The following C8orf34 variants were observed in gnomAD, a reference collection of about 807,000 sequenced individuals.
C8orf34 encodes the protein uncharacterized protein C8orf34.
C8orf34 carries 65 observed loss-of-function variants against 68.3 expected under a neutral mutation model. The ratio of observed to expected loss-of-function variants is 0.95; its 90% confidence interval spans 0.78 to 1.17. The LOEUF is 1.17. Ranked by LOEUF, C8orf34 falls within the 50% of genes most tolerant of loss-of-function variation. The pLI is 0.00. For missense variants in C8orf34, 664 were observed against 655.4 expected (o/e 1.01, Z -0.14); for synonymous variants, 244 against 241.2 (o/e 1.01, Z -0.11).
At chr8:68,764,000 C>T (rs1461869907) in intron 10 of C8orf34, among the ~76,000 whole-genome samples, 3 of 152,190 alleles carry the variant, frequency 2.0e-5, no homozygotes, top group African/African-American at 7.2e-5. Flanking sequence ...CCCAAGCCTG[C>T]TCTCTGGACC....
At chr8:68,503,661 G>GGA (rs765988288) in intron 5 of C8orf34, among the ~76,000 whole-genome samples, 2 of 151,752 alleles carry the variant, frequency 1.3e-5, no homozygotes, top group East Asian at 3.9e-4. Context: ...ACGGTCCAAT[G>GGA]GAGTAGTTAT....
At chr8:68,367,621 T>C (rs1807334528) in intron 1 of C8orf34, among the ~76,000 whole-genome samples, 1 of 131,472 alleles carries the variant, frequency 7.6e-6, no homozygotes, top group African/African-American at 2.9e-5. Flanking sequence ...AAATTGGAAA[T>C]CATCATTCTC....
chr8:68,801,783 A>C (rs984521795), intron 12 of C8orf34, among the ~76,000 whole-genome samples: 2 of 152,146 alleles, frequency 1.3e-5, no homozygotes, highest in African/African-American at 2.4e-5. Flanking sequence ...CTTTAATTTG[A>C]AGGGGATATG....
intron 10 of C8orf34, among the ~76,000 whole-genome samples, chr8:68,763,802 T>A (rs536043566): frequency 6.6e-6 from 1 of 152,378 alleles, no homozygotes; most frequent in Non-Finnish European, 1.5e-5. Flanking sequence ...TACCAAGCCC[T>A]GCACTAAGTG....
intron 1 of C8orf34, chr8:68,437,858 C>G (rs576299333): frequency 2.6e-5 from 4 of 152,170 alleles, no homozygotes; most frequent in Non-Finnish European, 5.9e-5. Context: ...ATATTTAATC[C>G]ATGACTCTAT....
At chr8:68,689,191 A>G (rs1820614459) in intron 8 of C8orf34, among the ~76,000 whole-genome samples, 1 of 152,036 alleles carries the variant, frequency 6.6e-6, no homozygotes, top group Non-Finnish European at 1.5e-5. Context: ...GAGTTAAGCT[A>G]TGAGGATTCA....
At chr8:68,482,440 T>C (rs996728810) in intron 4 of C8orf34, among the ~76,000 whole-genome samples, 2 of 152,134 alleles carry the variant, frequency 1.3e-5, no homozygotes, top group African/African-American at 4.8e-5. Flanking sequence ...TTTTTAAAAT[T>C]TATTTTAAAA....
chr8:68,636,451 G>T (rs1223514763), intron 7 of C8orf34, among the ~76,000 whole-genome samples: 1 of 151,964 alleles, frequency 6.6e-6, no homozygotes, highest in African/African-American at 2.4e-5. Flanking sequence ...CAGGTGTCGT[G>T]GTATGTGCTT....
intron 7 of C8orf34, among the ~76,000 whole-genome samples, chr8:68,537,951 A>C (rs1311787061): frequency 6.6e-6 from 1 of 152,142 alleles, no homozygotes; most frequent in Non-Finnish European, 1.5e-5. Flanking sequence ...TTCTTGTAAA[A>C]AATTTCCAGT....
At chr8:68,477,618 T>C (rs977839431) in intron 4 of C8orf34, among the ~76,000 whole-genome samples, 2 of 152,194 alleles carry the variant, frequency 1.3e-5, no homozygotes, top group Admixed American at 6.5e-5. Flanking sequence ...GAAGGAGGGA[T>C]ACCTGAGGCT....
In C8orf34 at chr8:68,367,931, A is replaced by G. The variant is rs889168106; in HGVS notation, c.327+36592A>G. Among the ~76,000 whole-genome samples the G allele has an allele frequency of 4.6e-3, 677 of 145,698 alleles. 6 individuals carry two copies. Among genetic ancestry groups the G allele is most frequent in the Non-Finnish European group, 7.1e-3 (473 of 66,362 alleles). ...AGAAAAGAAAAAAAAAAAAAAAAAA[A>G]AAAAAAGAAAAAAGTACATCACTGA... On this transcript the variant is annotated intron_variant, in intron 1 of 13. Transcript: ENST00000518698.
intron 7 of C8orf34, among the ~76,000 whole-genome samples, chr8:68,585,199 A>G (rs1817173387): frequency 6.6e-6 from 1 of 152,206 alleles, no homozygotes; most frequent in South Asian, 2.1e-4. Context: ...TTAAAAAATT[A>G]GAAGTATGGT....
intron 13 of C8orf34, among the ~76,000 whole-genome samples, chr8:68,817,816 C>A (rs1225934467): frequency 1.3e-5 from 2 of 152,072 alleles, no homozygotes; most frequent in Non-Finnish European, 2.9e-5. Context: ...AGGCAAGACA[C>A]CTTCACAAGG....
chr8:68,791,668 C>T (rs1376235324), intron 12 of C8orf34: 1 of 152,126 alleles, frequency 6.6e-6, no homozygotes, highest in East Asian at 1.9e-4. Context: ...CAGATGAAAG[C>T]TAATGCTGTC....
intron 10 of C8orf34, among the ~76,000 whole-genome samples, chr8:68,767,559 T>G (rs1029622059): frequency 6.6e-6 from 1 of 152,240 alleles, no homozygotes; most frequent in Admixed American, 6.5e-5. Context: ...GCTCCTTCAG[T>G]TCTCTATATT....
chr8:68,797,805 T>G (rs552203123), intron 12 of C8orf34, among the ~76,000 whole-genome samples: 1 of 152,280 alleles, frequency 6.6e-6, no homozygotes, highest in East Asian at 1.9e-4. Flanking sequence ...GTGTCAGGGC[T>G]TCATGAGGAT....
intron 4 of C8orf34, among the ~76,000 whole-genome samples, chr8:68,472,224 C>CATTTCTATA: frequency 6.6e-6 from 1 of 152,078 alleles, no homozygotes; most frequent in Non-Finnish European, 1.5e-5. Flanking sequence ...GTTTTTGGTG[C>CATTTCTATA]CTTGAGCCCT....
intron 8 of C8orf34, among the ~76,000 whole-genome samples, chr8:68,665,726 C>T (rs2130824454): frequency 6.6e-6 from 1 of 152,330 alleles, no homozygotes; most frequent in Middle Eastern, 3.4e-3. Context: ...CCTGTTCCTT[C>T]ATTTCAAGTG....
chr8:68,743,139 C>A (rs1822353905), intron 10 of C8orf34, among the ~76,000 whole-genome samples: 1 of 152,120 alleles, frequency 6.6e-6, no homozygotes, highest in African/African-American at 2.4e-5. Context: ...CTGGTGGTGA[C>A]TTGAGGTAGT....
Sources: gnomAD v4.1 joint callset for allele counts (sites outside exome capture counted in the v4.1 genomes callset) on GRCh38, gnomAD v4.1.1 for gene constraint, MANE v1.5 for transcripts, NCBI Gene and HGNC (gene_info 2026-07-23, HGNC 2026-07-21) for gene names.